SLC12A3: variants seen among roughly 807,000 people sequenced by gnomAD.
SLC12A3 encodes solute carrier family 12 member 3.
Under a neutral mutation model 121.0 loss-of-function variants are expected in SLC12A3, and 104 were observed. That is an observed-to-expected ratio of 0.86 (90% CI 0.73 to 1.01). SLC12A3 has a LOEUF of 1.01. Ranked by LOEUF, SLC12A3 falls within the 50% of genes least tolerant of loss-of-function variation. SLC12A3 has a pLI of 0.00. For missense variants in SLC12A3, 1,328 were observed against 1,356.3 expected, an observed-to-expected ratio of 0.98 and a Z score of 0.33; for synonymous variants, 536 against 533.4, an observed-to-expected ratio of 1.00 and a Z score of -0.07.
At chr16:56,903,185 G>A (rs1245717187) in intron 24 of SLC12A3, among the ~76,000 whole-genome samples, 3 of 151,348 alleles carry the variant, frequency 2.0e-5, no homozygotes, top group Admixed American at 6.6e-5. Flanking sequence ...GGGCCAACAC[G>A]GCTGCCTGAC....
intron 22 of SLC12A3, among the ~76,000 whole-genome samples, chr16:56,896,348 T>C (rs2055461895): frequency 6.6e-6 from 1 of 152,256 alleles, no homozygotes; most frequent in African/African-American, 2.4e-5. Context: ...ATGCATGGGC[T>C]TGGCAGGCAA....
intron 25 of SLC12A3, chr16:56,904,719 C>T (rs967034497): frequency 1.3e-5 from 6 of 473,844 alleles, no homozygotes; most frequent in South Asian, 1.0e-4. Flanking sequence ...CTTGCCATTG[C>T]TTTTTCCTGT....
chr16:56,895,855 C>T (rs1037931683), intron 22 of SLC12A3, among the ~76,000 whole-genome samples: 1 of 152,008 alleles, frequency 6.6e-6, no homozygotes, highest in South Asian at 2.1e-4. Flanking sequence ...TAGATGGTTC[C>T]ATTTGGGAGT....
rs766500543 is a variant in SLC12A3, at chr16:56,879,657, C to A, written c.1443+8C>A. On this transcript the variant is annotated splice_region_variant and intron_variant, in intron 11 of 25. Coordinates refer to ENST00000563236, the MANE Select transcript of SLC12A3 (RefSeq NM_001126108.2). ...GCTGCCAAAGTCTTCCAGGTGAGGC[C>A]GCAGAAAGGGGTCGAGATGACAGGG... The A allele has an allele frequency of 6.2e-7, 1 of 1,604,098 alleles. No homozygotes were observed. The highest frequency in any genetic ancestry group is 1.3e-5 in the African/African-American group (1 of 74,828).
intron 19 of SLC12A3, 66 bp downstream of exon 19, chr16:56,890,422 G>C (rs1427190785): frequency 7.7e-7 from 1 of 1,302,234 alleles, no homozygotes; most frequent in African/African-American, 1.5e-5. Context: ...AAATGGCAGA[G>C]GGAAAAATGA....
chr16:56,877,387 C>T (rs1475290675), intron 8 of SLC12A3, among the ~76,000 whole-genome samples: 1 of 151,254 alleles, frequency 6.6e-6, no homozygotes, highest in Non-Finnish European at 1.5e-5. Flanking sequence ...CAGAGCAAGA[C>T]TCTGTCTCAA....
chr16:56,894,739 CCCCA>C, intron 22 of SLC12A3, 97 bp downstream of exon 22: 2 of 897,684 alleles, frequency 2.2e-6, no homozygotes, highest in Non-Finnish European at 3.6e-6. Context: ...CTACCACCAC[CCCCA>C]GGTGGGCACT....
intron 24 of SLC12A3, 58 bp from the exon 25 acceptor site, chr16:56,904,337 G>A: frequency 6.8e-7 from 1 of 1,481,302 alleles, no homozygotes; most frequent in Non-Finnish European, 9.4e-7. Flanking sequence ...TAGACGTGGT[G>A]AAGGATTGAG....
At position 56,872,786 on chromosome 16, in the gene SLC12A3, G is replaced by A. The variant is rs1487959612; in HGVS notation, c.1095G>A (p.Lys365=). The A allele has an allele frequency of 6.2e-7, 1 of 1,614,198 alleles. No individual in the cohort carries two copies. Among genetic ancestry groups the A allele is most frequent in the Non-Finnish European group, 8.5e-7 (1 of 1,180,042 alleles). The change falls in exon 8 of 26, where the codon AAG becomes AAA. Residue 365 remains lysine, a splice_region_variant and synonymous_variant. Coordinates refer to ENST00000563236, the MANE Select transcript of SLC12A3 (RefSeq NM_001126108.2). ...GGGCCAACATATCTGGTGACCTCAAGGTGAGCAGAATACTTGCCCCTCCTG... is the reference window on the plus strand; with the variant it reads ...GGGCCAACATATCTGGTGACCTCAAAGTGAGCAGAATACTTGCCCCTCCTG... The part of the protein sequence containing the change: ...LAGANISGDL[K]DPAIAIPKGT...
chr16:56,869,701 C>A, intron 3 of SLC12A3, 28 bp from the exon 4 acceptor site: 1 of 1,601,236 alleles, frequency 6.2e-7, no homozygotes, highest in South Asian at 1.1e-5. Context: ...GGGAAATGCC[C>A]TGCCTAAGCT....
intron 3 of SLC12A3, among the ~76,000 whole-genome samples, chr16:56,869,274 T>C (rs1199651809): frequency 3.9e-5 from 6 of 152,166 alleles, no homozygotes; most frequent in African/African-American, 1.2e-4. Context: ...AACAATCCAA[T>C]AAATGCTGGC....
chr16:56,894,909 A>G (rs1596938005), intron 22 of SLC12A3, among the ~76,000 whole-genome samples: 1 of 152,136 alleles, frequency 6.6e-6, no homozygotes, highest in African/African-American at 2.4e-5. Context: ...GAGGGGAGTT[A>G]GGTTGTAAAG....
chr16:56,870,012 C>A, intron 4 of SLC12A3, 84 bp from the exon 5 acceptor site: 2 of 1,566,720 alleles, frequency 1.3e-6, no homozygotes, highest in East Asian at 2.2e-5. Flanking sequence ...CCTGTGGCCA[C>A]CCTCTCCTGG....
intron 22 of SLC12A3, among the ~76,000 whole-genome samples, chr16:56,898,218 G>A (rs1004044367): frequency 6.6e-6 from 1 of 152,082 alleles, no homozygotes; most frequent in Non-Finnish European, 1.5e-5. Flanking sequence ...TGGGGGGAGG[G>A]CCCAGGCAGG....
Position 56,870,173 on chromosome 16 carries a change from AATGC to A in SLC12A3, c.680_683del (p.Asn227ThrfsTer74), listed in dbSNP as rs1321987992. On this transcript the variant is annotated frameshift_variant, in exon 5 of 26. Transcript: ENST00000563236. LOFTEE classifies it high-confidence loss of function. ...CATCGGCCTCATTTTCGCTTTCGCC[AATGC>A]CGTGGGTGTGGCCATGCACACGGTG... 7 of 1,614,080 alleles carry A rather than the reference AATGC, an allele frequency of 4.3e-6. No individual in the cohort carries two copies. The highest frequency in any genetic ancestry group is 5.9e-6 in the Non-Finnish European group (7 of 1,180,038).
At chr16:56,902,623 T>A in intron 24 of SLC12A3, 115 bp downstream of exon 24, 1 of 1,310,292 alleles carries the variant, frequency 7.6e-7, no homozygotes, top group Non-Finnish European at 1.1e-6. Flanking sequence ...TGCCTTCCAC[T>A]CCGGCCCCTG....
At chr16:56,895,797 C>T (rs1567443510) in intron 22 of SLC12A3, among the ~76,000 whole-genome samples, 1 of 152,030 alleles carries the variant, frequency 6.6e-6, no homozygotes, top group Non-Finnish European at 1.5e-5. Context: ...TGATACAACT[C>T]ACCATAATGT....
At chr16:56,880,738 G>A (rs2055229657) in intron 12 of SLC12A3, among the ~76,000 whole-genome samples, 1 of 152,152 alleles carries the variant, frequency 6.6e-6, no homozygotes, top group African/African-American at 2.4e-5. Context: ...GGGCTTCAAG[G>A]TGGTAGATGT....
In SLC12A3 at chr16:56,892,938, C is replaced by T. The variant is rs746621603; in HGVS notation, c.2420-15C>T. The T allele has an allele frequency of 1.9e-6, 3 of 1,610,804 alleles. No homozygotes were observed. The highest frequency in any genetic ancestry group is 2.5e-6 in the Non-Finnish European group (3 of 1,177,244). On this transcript the variant is annotated splice_polypyrimidine_tract_variant and intron_variant, in intron 20 of 25. Coordinates refer to ENST00000563236, the MANE Select transcript of SLC12A3 (RefSeq NM_001126108.2). ...GGCTGCTGGCTCTGCTCTGACCCGC[C>T]CCCACCTCCTGCAGTGGACCCCAAG...
Sources: allele counts gnomAD v4.1 joint callset (sites outside exome capture counted in the v4.1 genomes callset), GRCh38; gene constraint gnomAD v4.1.1; transcripts MANE v1.5; gene names NCBI Gene and HGNC (gene_info 2026-07-23, HGNC 2026-07-21).